BEST3: variants seen among roughly 807,000 people sequenced by gnomAD.
The protein encoded by BEST3 is bestrophin-3.
A neutral mutation model predicts 47.1 loss-of-function variants in BEST3; 50 were observed. The observed-to-expected ratio is 1.06, with a 90% CI of 0.85 to 1.34. BEST3 has a LOEUF of 1.34. BEST3 is among the 40% of genes most tolerant of loss of function. The pLI is 0.00. For synonymous variants in BEST3, 282 were observed against 298.8 expected (o/e 0.94, Z 0.58); for missense variants, 765 against 817.0 (o/e 0.94, Z 0.78).
intron 4 of BEST3, among the ~76,000 whole-genome samples, chr12:69,679,238 A>G (rs1885099199): frequency 6.6e-6 from 1 of 152,228 alleles, no homozygotes; most frequent in Non-Finnish European, 1.5e-5. Flanking sequence ...GAACCATAAT[A>G]CTTGGAATTG....
rs747033835 is a variant in BEST3 at position 69,677,184 on chromosome 12, G to C, written c.710C>G (p.Thr237Ser). The C allele has an allele frequency of 1.2e-6, 2 of 1,613,744 alleles. No individual in the cohort carries two copies. The highest frequency in any genetic ancestry group is 2.2e-5 in the South Asian group (2 of 91,028). Reference protein sequence around the residue: ...YDWVGIPLVYTQVVTLAVYTF... With the variant: ...YDWVGIPLVYSQVVTLAVYTF... ...TCCATGAAAAGTATTTCTTACCTGG[G>C]TGTAAACCAGCGGAATCCCAACCCA... The change falls in exon 6 of 10, where the codon ACC becomes AGC. Residue 237 changes from threonine (T) to serine (S), a missense_variant. By Grantham distance (58) the Thr-to-Ser change is moderately conservative. Transcript: ENST00000330891.
intron 7 of BEST3, among the ~76,000 whole-genome samples, chr12:69,676,419 T>TA (rs35764914): frequency 0.48 from 67,844 of 141,794 alleles, 15,568 homozygotes; most frequent in Admixed American, 0.59. Context: ...TCAGGGAAAG[T>TA]AAAAAAAAAA....
chr12:69,678,622 C>A, intron 5 of BEST3, 117 bp downstream of exon 5: 1 of 964,222 alleles, frequency 1.0e-6, no homozygotes, highest in Admixed American at 2.5e-5. Flanking sequence ...CCAATCTTTC[C>A]AGTTCCTCTG....
intron 2 of BEST3, 87 bp downstream of exon 2, chr12:69,697,560 C>T (rs1886177453): frequency 1.8e-6 from 2 of 1,107,902 alleles, no homozygotes; most frequent in Non-Finnish European, 2.5e-6. Context: ...AATGCGAAGT[C>T]AGTGGCAATC....
chr12:69,685,965 A>G (rs958044215), intron 4 of BEST3, among the ~76,000 whole-genome samples: 2 of 152,216 alleles, frequency 1.3e-5, no homozygotes, highest in African/African-American at 4.8e-5. Context: ...GCAACTACAC[A>G]TAGGTGAGTC....
Position 69,655,122 on chromosome 12 carries a change from AC to A in BEST3, c.1791del (p.Ser598ProfsTer9), listed in dbSNP as rs1303794207. 6.2e-7 allele frequency: 1 copy of A among 1,614,068 alleles called. No individual in the cohort carries two copies. The highest frequency in any genetic ancestry group is 8.5e-7 in the Non-Finnish European group (1 of 1,180,008). On this transcript the variant is annotated frameshift_variant, in exon 10 of 10. Transcript: ENST00000330891. LOFTEE classifies it low-confidence loss of function (END_TRUNC). ...AGGTTTCCCAGGGAAGTGTGGCTGG[AC>A]CCCAGGAATCCCGGAAGACTCCACC... ...LKRWSLPGFL[G>X]SSHTSLGNLS...
At chr12:69,670,738 C>T (rs1884516604) in intron 9 of BEST3, among the ~76,000 whole-genome samples, 2 of 151,932 alleles carry the variant, frequency 1.3e-5, no homozygotes, top group Admixed American at 6.6e-5. Flanking sequence ...AAAAATTCCA[C>T]AAAAGTTTCC....
intron 4 of BEST3, among the ~76,000 whole-genome samples, chr12:69,691,892 T>C (rs1885940178): frequency 6.6e-6 from 1 of 152,212 alleles, no homozygotes; most frequent in Admixed American, 6.5e-5. Flanking sequence ...TGAAGACTAA[T>C]TTTACCCACC....
At chr12:69,649,299 G>T (rs1331300219), downstream of BEST3, among the ~76,000 whole-genome samples, 1 of 152,188 alleles carries the variant, frequency 6.6e-6, no homozygotes, top group African/African-American at 2.4e-5. Flanking sequence ...TGCCGGATTT[G>T]TTGTCACTCT....
Position 69,699,293 on chromosome 12 carries a change from C to T in BEST3, c.-104G>A, listed in dbSNP as rs1436272697. 25 of 985,282 alleles carry T rather than the reference C, an allele frequency of 2.5e-5. No homozygotes were observed. Among genetic ancestry groups the T allele is most frequent in the Middle Eastern group, 5.2e-4 (1 of 1,936 alleles). 61.0% of individuals were successfully genotyped at this position (985,282 alleles called of 1,614,324 possible). A position where few individuals can be genotyped will look rare whatever the true frequency, so the allele number is the denominator to read the frequency against. Reference sequence around the variant, plus strand: ...GAGGTGCCTTCAGGTCGGTGCTGCACGCCCGGTGTCACCCTTCGCTCGTGC... The same window carrying T: ...GAGGTGCCTTCAGGTCGGTGCTGCATGCCCGGTGTCACCCTTCGCTCGTGC... On this transcript the variant is annotated 5_prime_UTR_variant, in exon 1 of 10. The change creates a new upstream start codon in the 5' untranslated region. Transcript: ENST00000330891.
At chr12:69,650,873 G>C (rs1465627992), downstream of BEST3, among the ~76,000 whole-genome samples, 1 of 151,980 alleles carries the variant, frequency 6.6e-6, no homozygotes, top group Non-Finnish European at 1.5e-5. Flanking sequence ...GAGTTGGGAA[G>C]CATATGAAAG....
chr12:69,651,218 T>G (rs1883199002), downstream of BEST3, among the ~76,000 whole-genome samples: 1 of 152,158 alleles, frequency 6.6e-6, no homozygotes, highest in African/African-American at 2.4e-5. Context: ...GGAACATTAA[T>G]CCCCAGTCAT....
chr12:69,668,458 C>A (rs1194913869), intron 9 of BEST3, among the ~76,000 whole-genome samples: 1 of 152,212 alleles, frequency 6.6e-6, no homozygotes, highest in Non-Finnish European at 1.5e-5. Flanking sequence ...TCAGCACCAA[C>A]AAGACCACCA....
downstream of BEST3, among the ~76,000 whole-genome samples, chr12:69,651,445 A>T (rs1316064034): frequency 6.6e-6 from 1 of 152,168 alleles, no homozygotes; most frequent in African/African-American, 2.4e-5. Flanking sequence ...CAGAGAGTAG[A>T]TTTTATGACA....
chr12:69,672,353 T>A (rs1364535877), intron 8 of BEST3, among the ~76,000 whole-genome samples: 2 of 152,232 alleles, frequency 1.3e-5, no homozygotes, highest in African/African-American at 4.8e-5. Context: ...TGTTTCTTCA[T>A]GAAAAGCTCT....
At chr12:69,663,522 A>G (rs893922254) in intron 9 of BEST3, among the ~76,000 whole-genome samples, 10 of 152,220 alleles carry the variant, frequency 6.6e-5, no homozygotes, top group African/African-American at 2.2e-4. Context: ...TAATGAAAAG[A>G]TGCCTTAATT....
chr12:69,651,759 A>G (rs1347714111), downstream of BEST3, among the ~76,000 whole-genome samples: 3 of 148,932 alleles, frequency 2.0e-5, no homozygotes. Flanking sequence ...CTGGGCGACA[A>G]AGTGAGACTC....
downstream of BEST3, among the ~76,000 whole-genome samples, chr12:69,651,357 T>A (rs1183829800): frequency 1.3e-5 from 2 of 152,210 alleles, no homozygotes; most frequent in Non-Finnish European, 2.9e-5. Context: ...GAACGCAGAC[T>A]TGTTCAAATT....
Position 69,693,665 on chromosome 12 carries a change from T to A in BEST3, c.481+9A>T, listed in dbSNP as rs1418551224. ...AAGAGCCCATGGAAGGAAAAGCCAT[T>A]CATAGTACCTGCTTCAACCACGTGG... On this transcript the variant is annotated intron_variant, in intron 4 of 9. Coordinates refer to ENST00000330891, the MANE Select transcript of BEST3 (RefSeq NM_032735.3). The A allele has an allele frequency of 3.1e-6, 5 of 1,592,332 alleles. No homozygotes were observed. The highest frequency in any genetic ancestry group is 1.3e-5 in the African/African-American group (1 of 74,524).
Sources: gnomAD v4.1 joint callset for allele counts (sites outside exome capture counted in the v4.1 genomes callset) on GRCh38, gnomAD v4.1.1 for gene constraint, MANE v1.5 for transcripts, NCBI Gene and HGNC (gene_info 2026-07-23, HGNC 2026-07-21) for gene names.